PAH: variants seen among roughly 807,000 people sequenced by gnomAD.
PAH encodes phenylalanine hydroxylase.
A neutral mutation model predicts 62.0 loss-of-function variants in PAH; 64 were observed. That is an observed-to-expected ratio of 1.03 (90% CI 0.84 to 1.27). PAH has a LOEUF of 1.27. Ranked by LOEUF, PAH falls within the 50% of genes most tolerant of loss-of-function variation. PAH has a pLI of 0.00. For missense variants in PAH, 579 were observed against 542.8 expected, an observed-to-expected ratio of 1.07 and a Z score of -0.66; for synonymous variants, 195 against 196.2, an observed-to-expected ratio of 0.99 and a Z score of 0.05.
intron 4 of PAH, among the ~76,000 whole-genome samples, chr12:102,870,390 C>T (rs1592964394): frequency 6.6e-6 from 1 of 152,142 alleles, no homozygotes; most frequent in Non-Finnish European, 1.5e-5. Flanking sequence ...GCCTTAGTTT[C>T]CTCATCAGTA....
intron 4 of PAH, among the ~76,000 whole-genome samples, chr12:102,867,936 TA>T (rs1351399064): frequency 5.6e-5 from 8 of 142,832 alleles, no homozygotes; most frequent in South Asian, 2.2e-4. Flanking sequence ...TAGATGTATA[TA>T]TACATGTATA....
intron 4 of PAH, among the ~76,000 whole-genome samples, chr12:102,872,853 A>G (rs1876406245): frequency 6.6e-6 from 1 of 152,194 alleles, no homozygotes; most frequent in African/African-American, 2.4e-5. Context: ...CTGTAATCCC[A>G]GCTATGTGGG....
chr12:102,920,250 C>A (rs1592992676), upstream of PAH, among the ~76,000 whole-genome samples: 1 of 152,292 alleles, frequency 6.6e-6, no homozygotes, highest in Non-Finnish European at 1.5e-5. Flanking sequence ...TTTTAAGCCA[C>A]CTTTTTGTTC....
At chr12:102,921,598 C>T (rs1156469050), upstream of PAH, among the ~76,000 whole-genome samples, 1 of 152,160 alleles carries the variant, frequency 6.6e-6, no homozygotes, top group Non-Finnish European at 1.5e-5. Flanking sequence ...AGTCCTTCCC[C>T]ATCCCAAAGT....
intron 1 of PAH, among the ~76,000 whole-genome samples, chr12:102,937,251 T>G (rs1456214670): frequency 1.3e-5 from 2 of 152,230 alleles, no homozygotes; most frequent in African/African-American, 2.4e-5. Flanking sequence ...CCATTTATAT[T>G]CAATGCTATT....
chr12:102,887,861 C>T (rs141150451), intron 3 of PAH, among the ~76,000 whole-genome samples: 26 of 152,330 alleles, frequency 1.7e-4, no homozygotes, highest in Admixed American at 1.2e-3. Context: ...CACGACAATA[C>T]TCCCTCAATC....
intron 5 of PAH, among the ~76,000 whole-genome samples, chr12:102,857,327 A>C (rs1245519756): frequency 6.6e-6 from 1 of 152,248 alleles, no homozygotes; most frequent in African/African-American, 2.4e-5. Flanking sequence ...ACTATGTGAA[A>C]AGACCAAATC....
chr12:102,958,387 AGAGC>A (rs1880003930), upstream of PAH: 3 of 1,487,760 alleles, frequency 2.0e-6, no homozygotes, highest in African/African-American at 4.5e-5. Context: ...GCGGCAGCGC[AGAGC>A]GCGCAGCAGC....
intron 12 of PAH, 137 bp downstream of exon 12, chr12:102,840,263 C>T: frequency 3.0e-6 from 2 of 668,050 alleles, no homozygotes; most frequent in Non-Finnish European, 5.5e-6. Flanking sequence ...TCAATGAACC[C>T]ATGGCTTACA....
At chr12:102,945,397 T>C (rs1879457057) in intron 1 of PAH, among the ~76,000 whole-genome samples, 1 of 152,232 alleles carries the variant, frequency 6.6e-6, no homozygotes, top group Non-Finnish European at 1.5e-5. Context: ...ATACTGCAAG[T>C]AGGGTATTAA....
At chr12:102,928,639 A>G (rs1878754584) in intron 1 of PAH, among the ~76,000 whole-genome samples, 1 of 152,174 alleles carries the variant, frequency 6.6e-6, no homozygotes, top group South Asian at 2.1e-4. Flanking sequence ...CTAATAAAAA[A>G]TTTTGGAGGC....
chr12:102,906,284 T>G (rs1877974205), intron 2 of PAH, among the ~76,000 whole-genome samples: 1 of 152,196 alleles, frequency 6.6e-6, no homozygotes, highest in African/African-American at 2.4e-5. Flanking sequence ...TTACAGGACA[T>G]TTGGAGAAAA....
At chr12:102,878,548 G>A (rs576633629) in intron 3 of PAH, among the ~76,000 whole-genome samples, 11 of 152,104 alleles carry the variant, frequency 7.2e-5, no homozygotes, top group Admixed American at 2.0e-4. Flanking sequence ...CAGAGACAAG[G>A]GCATTTTGGA....
chr12:102,842,116 C>T (rs1233344159), intron 11 of PAH, among the ~76,000 whole-genome samples: 1 of 152,170 alleles, frequency 6.6e-6, no homozygotes, highest in Non-Finnish European at 1.5e-5. Flanking sequence ...CAAGCTCTTC[C>T]CTGCTGGTCT....
chr12:102,945,742 G>A (rs1879469764), intron 1 of PAH, among the ~76,000 whole-genome samples: 1 of 152,118 alleles, frequency 6.6e-6, no homozygotes, highest in African/African-American at 2.4e-5. Flanking sequence ...CCATCCAAGA[G>A]CCAAGGCCTG....
upstream of PAH, among the ~76,000 whole-genome samples, chr12:102,951,710 C>T (rs1334873351): frequency 3.3e-5 from 5 of 152,156 alleles, no homozygotes; most frequent in Non-Finnish European, 5.9e-5. Flanking sequence ...CTCACGTCCA[C>T]GGTTCTATTC....
intron 1 of PAH, among the ~76,000 whole-genome samples, chr12:102,936,748 A>G (rs777746979): frequency 6.6e-6 from 1 of 151,484 alleles, no homozygotes; most frequent in Non-Finnish European, 1.5e-5. Flanking sequence ...CTATTTCTTT[A>G]TTTTTAGTCT....
chr12:102,943,985 A>T lies in PAH; in HGVS notation c.-96+6604T>A, dbSNP rs552524256. 9.2e-5 allele frequency among the ~76,000 whole-genome samples: 14 copies of T among 152,302 alleles called. No homozygotes were observed. The East Asian group carries it at 1.9e-3, about 21-fold the overall frequency. ...GGTACACCAAACCCCTGTGATATAAAATTCACCCATGTAACAAACCTGTAG... is the reference window on the plus strand; with the variant it reads ...GGTACACCAAACCCCTGTGATATAATATTCACCCATGTAACAAACCTGTAG... On this transcript the variant is annotated intron_variant, in intron 1 of 3. Coordinates refer to the PAH transcript ENST00000546844.
At chr12:102,947,058 G>C (rs1879525913) in intron 1 of PAH, among the ~76,000 whole-genome samples, 2 of 152,160 alleles carry the variant, frequency 1.3e-5, no homozygotes, top group African/African-American at 4.8e-5. Context: ...TACCAGCTGG[G>C]ACAATACTGA....
Sources: allele counts gnomAD v4.1 joint callset (sites outside exome capture counted in the v4.1 genomes callset), GRCh38; gene constraint gnomAD v4.1.1; transcripts MANE v1.5; gene names NCBI Gene and HGNC (gene_info 2026-07-23, HGNC 2026-07-21).